ESPNL: variants seen among roughly 807,000 people sequenced by gnomAD.
ESPNL encodes espin-like protein.
In ESPNL, 49 loss-of-function variants were observed where a neutral mutation model predicts 46.8. That is an observed-to-expected ratio of 1.05 (90% CI 0.83 to 1.33). The LOEUF (loss-of-function observed/expected upper bound fraction) is 1.33, where lower values mean the gene tolerates loss of function less well. Among genes scored for constraint, ESPNL ranks in the 40% most tolerant of loss-of-function variants. The pLI is 0.00. For synonymous variants in ESPNL, 664 were observed against 662.1 expected, an observed-to-expected ratio of 1.00 and a Z score of -0.04; for missense variants, 1,540 against 1,436.6, an observed-to-expected ratio of 1.07 and a Z score of -1.16.
At position 238,130,401 on chromosome 2, in the gene ESPNL, GT is replaced by G. The variant is rs1692277219; in HGVS notation, c.1689del (p.Glu564ArgfsTer44). 1.2e-6 allele frequency: 2 copies of G among 1,610,826 alleles called. No homozygotes were observed. The highest frequency in any genetic ancestry group is 4.5e-5 in the East Asian group (2 of 44,786). On this transcript the variant is annotated frameshift_variant, in exon 9 of 9. Coordinates refer to ENST00000343063, the MANE Select transcript of ESPNL (RefSeq NM_194312.4). LOFTEE classifies it low-confidence loss of function (END_TRUNC). ...CCTGCCCCGGGCGCCCGGACTGGAG[GT>G]TGAGGAGGCCTCAATCCCAGCGGCT... Reference protein sequence around the residue: ...HFLPRAPGLEVEEASIPAAEP... With the variant: ...HFLPRAPGLEXEEASIPAAEP...
rs565818490 is a variant in ESPNL at position 238,109,560 on chromosome 2, G to T, written c.855+1587G>T. ...GTAGAGATGGGAGTCTCACTGTGCT[G>T]AGCCCAGGCAGGCCTCAAACTTCTG... On this transcript the variant is annotated intron_variant, in intron 4 of 8. Transcript: ENST00000343063. 1.1e-4 allele frequency among the ~76,000 whole-genome samples: 17 copies of T among 152,134 alleles called. No homozygotes were observed. In the South Asian group the frequency reaches 3.3e-3, roughly 30 times the overall value.
intron 5 of ESPNL, among the ~76,000 whole-genome samples, chr2:238,118,978 T>G (rs1456108598): frequency 4.7e-5 from 5 of 105,964 alleles, no homozygotes; most frequent in Admixed American, 9.4e-5. Context: ...TGGAGGAGGG[T>G]TAATGGAGGA....
chr2:238,109,508 G>A (rs964849095), intron 4 of ESPNL, among the ~76,000 whole-genome samples: 1 of 152,074 alleles, frequency 6.6e-6, no homozygotes, highest in African/African-American at 2.4e-5. Flanking sequence ...ACGCCACCAC[G>A]CCCAGCTAAT....
At chr2:238,104,144 C>G (rs2106464161) in intron 2 of ESPNL, among the ~76,000 whole-genome samples, 1 of 152,260 alleles carries the variant, frequency 6.6e-6, no homozygotes, top group South Asian at 2.1e-4. Context: ...GGGTCTGGGA[C>G]AGGGTGGCGT....
Position 238,130,467 on chromosome 2 carries a change from G to A in ESPNL, c.1753G>A (p.Gly585Arg), listed in dbSNP as rs375408365. ...GSAEASEVAP[G>R]VQPLPFWCSH... ...TGCGGAGGCCTCAGAGGTGGCCCCC[G>A]GGGTGCAGCCCCTGCCCTTCTGGTG... Residue 585 changes from glycine to arginine, a missense_variant, in exon 9 of 9, where the codon GGG (glycine) becomes AGG (arginine). Gly to Arg is a moderately radical substitution (Grantham distance 125, BLOSUM62 -2). Coordinates refer to ENST00000343063, the MANE Select transcript of ESPNL (RefSeq NM_194312.4). 174 of 1,600,648 alleles carry A rather than the reference G, an allele frequency of 1.1e-4. 1 individual carries two copies. The highest frequency in any genetic ancestry group is 1.1e-3 in the Admixed American group (63 of 58,490).
intron 4 of ESPNL, among the ~76,000 whole-genome samples, chr2:238,113,760 C>T (rs1280008357): frequency 6.6e-6 from 1 of 152,116 alleles, no homozygotes; most frequent in African/African-American, 2.4e-5. Flanking sequence ...TTGGCCACAT[C>T]GGGAGGTGGT....
intron 6 of ESPNL, among the ~76,000 whole-genome samples, chr2:238,126,923 G>GTGTGTCTGTGATTGTGTCTGTT: frequency 8.4e-6 from 1 of 118,664 alleles, no homozygotes; most frequent in South Asian, 3.0e-4. Flanking sequence ...GATCGTGTCT[G>GTGTGTCTGTGATTGTGTCTGTT]TGTGTCTGTG....
chr2:238,107,102 C>CT (rs1287556645), intron 3 of ESPNL, among the ~76,000 whole-genome samples: 1 of 152,222 alleles, frequency 6.6e-6, no homozygotes, highest in African/African-American at 2.4e-5. Context: ...GGAAGGCAGG[C>CT]TGTCCTAGGA....
intron 8 of ESPNL, chr2:238,129,342 A>G: frequency 1.3e-6 from 1 of 777,092 alleles, no homozygotes; most frequent in Non-Finnish European, 1.6e-6. Flanking sequence ...CGTGGCCTTG[A>G]GCAGGGGCCA....
chr2:238,126,989 C>A (rs1458136259), intron 6 of ESPNL, among the ~76,000 whole-genome samples: 6 of 126,034 alleles, frequency 4.8e-5, no homozygotes, highest in Non-Finnish European at 8.5e-5. Flanking sequence ...TTGTGTCTAT[C>A]TGTGTGTGAT....
chr2:238,127,380 G>A, intron 6 of ESPNL: 1 of 1,288,362 alleles, frequency 7.8e-7, no homozygotes. Context: ...AGGGGCCGCG[G>A]CGTGGCCCAG....
rs1335006199 is a variant in ESPNL at position 238,130,284 on chromosome 2, CA to C, written c.1571del (p.Gln524ArgfsTer84). ...IADLQLRRRCQEYESELGRLA... is the reference protein window; with the variant it reads ...IADLQLRRRCXEYESELGRLA... ...AGACCTGCAGCTTCGGCGCCGCTGTCAGGAGTATGAGAGTGAGCTGGGCCGG... is the reference window on the plus strand; with the variant it reads ...AGACCTGCAGCTTCGGCGCCGCTGTCGGAGTATGAGAGTGAGCTGGGCCGG... On this transcript the variant is annotated frameshift_variant, in exon 9 of 9. Transcript: ENST00000343063. LOFTEE classifies it low-confidence loss of function (END_TRUNC). 4.4e-6 allele frequency: 7 copies of C among 1,607,514 alleles called. No individual in the cohort carries two copies. Among genetic ancestry groups the C allele is most frequent in the Middle Eastern group, 1.6e-4 (1 of 6,068 alleles).
In ESPNL at chr2:238,130,466, C is replaced by G. The variant is rs535333149; in HGVS notation, c.1752C>G (p.Pro584=). Residue 584 remains proline (P), a synonymous_variant, in exon 9 of 9, where the codon CCC becomes CCG. Transcript: ENST00000343063. ...AGSAEASEVA[P]GVQPLPFWCS... ...CTGCGGAGGCCTCAGAGGTGGCCCC[C>G]GGGGTGCAGCCCCTGCCCTTCTGGT... is the stretch of plus-strand genomic sequence containing the variant. The G allele has an allele frequency of 6.2e-7, 1 of 1,600,244 alleles. No individual in the cohort carries two copies. The highest frequency in any genetic ancestry group is 1.1e-5 in the South Asian group (1 of 89,330).
Position 238,131,294 on chromosome 2 carries a change from G to A in ESPNL, c.2580G>A (p.Leu860=). ...YSSLSLDLFM[L]GYFQLLECDL... Reference sequence around the variant, plus strand: ...GCCTCTCACTGGATCTCTTCATGCTGGGTTACTTCCAGCTGCTGGAGTGCG... The same window carrying A: ...GCCTCTCACTGGATCTCTTCATGCTAGGTTACTTCCAGCTGCTGGAGTGCG... Residue 860 remains leucine, a synonymous_variant, in exon 9 of 9, where the codon CTG becomes CTA. Coordinates refer to ENST00000343063, the MANE Select transcript of ESPNL (RefSeq NM_194312.4). The A allele has an allele frequency of 6.3e-7, 1 of 1,582,184 alleles. No individual in the cohort carries two copies. Among genetic ancestry groups the A allele is most frequent in the Non-Finnish European group, 8.6e-7 (1 of 1,165,372 alleles).
Position 238,114,558 on chromosome 2 carries a change from T to C in ESPNL, c.856-2345T>C, listed in dbSNP as rs1011619985. On this transcript the variant is annotated intron_variant, in intron 4 of 8. Transcript: ENST00000343063. The surrounding 1 kb of genome is among the most constrained non-coding windows in gnomAD (Gnocchi z 5.0). ...CCCAGCCCCGGTGTCCTTGCACATC[T>C]GACAAATGCTTCCTGCTTCCTCAGC... Among the ~76,000 whole-genome samples the C allele has an allele frequency of 1.3e-5, 2 of 152,128 alleles. No homozygotes were observed. The highest frequency in any genetic ancestry group is 2.9e-5 in the Non-Finnish European group (2 of 68,038).
At chr2:238,110,700 T>C (rs1212369481) in intron 4 of ESPNL, among the ~76,000 whole-genome samples, 1 of 100,950 alleles carries the variant, frequency 9.9e-6, no homozygotes, top group African/African-American at 3.4e-5. Context: ...CGAGTTTCCC[T>C]TTCCTGTCCC....
chr2:238,112,761 C>G (rs1320468632), intron 4 of ESPNL, among the ~76,000 whole-genome samples: 1 of 152,180 alleles, frequency 6.6e-6, no homozygotes, highest in Non-Finnish European at 1.5e-5. Context: ...AATTATGTTT[C>G]TTAATTTCCA....
Position 238,130,827 on chromosome 2 carries a change from C to A in ESPNL, c.2113C>A (p.Pro705Thr), listed in dbSNP as rs1174477998. 1.9e-6 allele frequency: 3 copies of A among 1,547,194 alleles called. No individual in the cohort carries two copies. In the Admixed American group the frequency reaches 5.8e-5, roughly 30 times the overall value. ...RSGLASGEPR[P>T]GDTEEASDSG... ...TGGCCTGGCTTCAGGGGAGCCCAGG[C>A]CTGGCGACACAGAGGAGGCCAGCGA... The change falls in exon 9 of 9, where the codon CCT becomes ACT. Residue 705 changes from proline to threonine, a missense_variant. Pro to Thr is a conservative substitution (Grantham distance 38). Coordinates refer to ENST00000343063, the MANE Select transcript of ESPNL (RefSeq NM_194312.4).
In ESPNL at chr2:238,131,031, T is replaced by A; in HGVS notation, c.2317T>A (p.Leu773Met). 1 of 1,538,900 alleles carries A rather than the reference T, an allele frequency of 6.5e-7. No homozygotes were observed. The highest frequency in any genetic ancestry group is 8.7e-7 in the Non-Finnish European group (1 of 1,143,368). Reference protein sequence around the residue: ...CRTLGARHAGLRGQEAARSPG... With the variant: ...CRTLGARHAGMRGQEAARSPG... ...GACCCTAGGAGCCCGCCACGCGGGG[T>A]TGCGGGGCCAGGAGGCCGCCAGGAG... The change falls in exon 9 of 9, where the codon TTG becomes ATG. Residue 773 changes from leucine to methionine, a missense_variant. By Grantham distance (15) the Leu-to-Met change is conservative. Coordinates refer to ENST00000343063, the MANE Select transcript of ESPNL (RefSeq NM_194312.4).
Sources: allele counts gnomAD v4.1 joint callset (sites outside exome capture counted in the v4.1 genomes callset), GRCh38; gene constraint gnomAD v4.1.1; non-coding constraint Gnocchi (gnomAD v3.1); transcripts MANE v1.5; gene names NCBI Gene and HGNC (gene_info 2026-07-23, HGNC 2026-07-21).